INPP5F: variants seen among roughly 807,000 people sequenced by gnomAD.
The protein encoded by INPP5F is phosphatidylinositide 4-phosphatase SAC2.
A neutral mutation model predicts 137.2 loss-of-function variants in INPP5F; 97 were observed. The observed-to-expected ratio is 0.71, with a 90% CI of 0.60 to 0.84. INPP5F has a LOEUF of 0.84. Among genes scored for constraint, INPP5F ranks in the 40% least tolerant of loss-of-function variants. INPP5F has a pLI of 0.00. For synonymous variants in INPP5F, 504 were observed against 476.9 expected (o/e 1.06, Z -0.74); for missense variants, 1,271 against 1,371.9 (o/e 0.93, Z 1.16).
At chr10:119,826,163 T>C (rs1277234346) in intron 19 of INPP5F, 4 of 396,380 alleles carry the variant, frequency 1.0e-5, no homozygotes, top group Admixed American at 4.4e-5. Context: ...TCTTTGCTGA[T>C]TGTACAGATG....
rs1848229387 is a variant in INPP5F, at chr10:119,736,885, TG to T, written c.97+10527del. 2.0e-5 allele frequency among the ~76,000 whole-genome samples: 3 copies of T among 152,242 alleles called. No homozygotes were observed. In the South Asian group the frequency reaches 6.2e-4, roughly 31 times the overall value. On this transcript the variant is annotated intron_variant, in intron 1 of 19. Transcript: ENST00000650623. ...TCTTGCTCTGCCACCCAGGCTGGAA[TG>T]TGGGATAGCTCACTGCAGCCTCGAA...
Position 119,823,123 on chromosome 10 carries a change from C to CT in INPP5F, c.2086dup (p.Tyr696LeufsTer19). ...CAAAGTTCTCCTGCATGCGACTGCACTACAGATACAAAGAAGCGAGTGGCT... is the reference window on the plus strand; with the variant it reads ...CAAAGTTCTCCTGCATGCGACTGCACTTACAGATACAAAGAAGCGAGTGGCT... On this transcript the variant is annotated frameshift_variant, in exon 18 of 20. Transcript: ENST00000650623. LOFTEE classifies it high-confidence loss of function. The CT allele has an allele frequency of 6.2e-7, 1 of 1,614,072 alleles. No individual in the cohort carries two copies. The highest frequency in any genetic ancestry group is 8.5e-7 in the Non-Finnish European group (1 of 1,179,970).
intron 1 of INPP5F, among the ~76,000 whole-genome samples, chr10:119,734,377 C>A (rs1848165701): frequency 1.3e-5 from 2 of 152,222 alleles, no homozygotes; most frequent in African/African-American, 2.4e-5. Flanking sequence ...ATTATGAATG[C>A]ATTATCCAAG....
chr10:119,730,634 T>C lies in INPP5F; in HGVS notation c.97+4275T>C, dbSNP rs957966460. Among the ~76,000 whole-genome samples the C allele has an allele frequency of 7.9e-5, 12 of 152,346 alleles. 1 individual carries two copies. The highest frequency in any genetic ancestry group is 4.6e-4 in the Admixed American group (7 of 15,304). ...CTTTGTCTGATATGACAGTATTATA[T>C]AATTTATAGCTGTGTGTAAATTATA... is the stretch of plus-strand genomic sequence containing the variant. On this transcript the variant is annotated intron_variant, in intron 1 of 19. Transcript: ENST00000650623.
chr10:119,737,094 G>C (rs1848237064), intron 1 of INPP5F, among the ~76,000 whole-genome samples: 1 of 151,996 alleles, frequency 6.6e-6, no homozygotes, highest in Admixed American at 6.6e-5. Context: ...CCCCCAAAGT[G>C]CTGGGATTAC....
intron 2 of INPP5F, among the ~76,000 whole-genome samples, chr10:119,772,848 C>G (rs1439099230): frequency 6.6e-6 from 1 of 151,800 alleles, no homozygotes; most frequent in Non-Finnish European, 1.5e-5. Flanking sequence ...GGTCCCGGTT[C>G]AAGCAATTCT....
At chr10:119,742,757 C>T (rs953938058) in intron 1 of INPP5F, among the ~76,000 whole-genome samples, 8 of 152,074 alleles carry the variant, frequency 5.3e-5, no homozygotes, top group East Asian at 1.9e-4. Context: ...CTTTGGGAGG[C>T]TGAGGTGGGT....
In INPP5F at chr10:119,781,676, G is replaced by A; in HGVS notation, c.220G>A (p.Val74Met). ...TATTCTAATTCGGCAGAAAGCATTGGTGGGCAAACTCCCAGGAGACCATGA... is the reference window on the plus strand; with the variant it reads ...TATTCTAATTCGGCAGAAAGCATTGATGGGCAAACTCCCAGGAGACCATGA... The part of the protein sequence containing the change: ...WLILIRQKAL[V>M]GKLPGDHEVC... Residue 74 changes from valine (V) to methionine (M), a missense_variant, in exon 3 of 20, where the codon GTG becomes ATG. This residue lies in a region of INPP5F where 109 missense variants were observed against 105.1 expected (regional missense o/e 1.04). Coordinates refer to ENST00000650623, the MANE Select transcript of INPP5F (RefSeq NM_014937.4). The A allele has an allele frequency of 4.3e-6, 7 of 1,612,602 alleles. No homozygotes were observed. The highest frequency in any genetic ancestry group is 1.1e-5 in the South Asian group (1 of 90,788).
At chr10:119,755,107 A>G (rs977800961) in intron 2 of INPP5F, among the ~76,000 whole-genome samples, 6 of 152,202 alleles carry the variant, frequency 3.9e-5, no homozygotes, top group African/African-American at 1.2e-4. Context: ...TGGGTGAGCA[A>G]TGCCGCTGTT....
chr10:119,729,293 G>A (rs1243141129), intron 1 of INPP5F, among the ~76,000 whole-genome samples: 3 of 152,104 alleles, frequency 2.0e-5, no homozygotes, highest in East Asian at 3.9e-4. Flanking sequence ...CTACAGGTGT[G>A]TGCCACCTCA....
chr10:119,794,132 G>A (rs1003717112), intron 6 of INPP5F, among the ~76,000 whole-genome samples: 2 of 152,012 alleles, frequency 1.3e-5, no homozygotes, highest in Non-Finnish European at 2.9e-5. Flanking sequence ...AGTGAACAAA[G>A]GTCTCTGGTT....
intron 3 of INPP5F, among the ~76,000 whole-genome samples, chr10:119,790,996 T>G (rs1850123156): frequency 6.6e-6 from 1 of 152,188 alleles, no homozygotes; most frequent in African/African-American, 2.4e-5. Context: ...CTGATTTCAT[T>G]AGTGCATGTG....
chr10:119,825,429 T>C (rs1851719374), intron 19 of INPP5F, among the ~76,000 whole-genome samples: 1 of 152,152 alleles, frequency 6.6e-6, no homozygotes, highest in South Asian at 2.1e-4. Context: ...CCTCTAGGTG[T>C]GTTTAAAAGT....
chr10:119,800,703 A>G (rs1280319254), intron 9 of INPP5F, among the ~76,000 whole-genome samples: 2 of 152,146 alleles, frequency 1.3e-5, no homozygotes, highest in East Asian at 3.8e-4. Context: ...GGAAATGCAA[A>G]TTAAAGCCGC....
chr10:119,726,117 G>C lies in INPP5F; in HGVS notation c.-146G>C, dbSNP rs981708811. 1 of 415,306 alleles carries C rather than the reference G, an allele frequency of 2.4e-6. No homozygotes were observed. The highest frequency in any genetic ancestry group is 4.1e-6 in the Non-Finnish European group (1 of 244,732). 25.7% of individuals were successfully genotyped at this position (415,306 alleles called of 1,614,324 possible). ...CGCGTTCTCCTCCTACCGGTCGGGT[G>C]CCCCGGGGCGTTCCCTCTGCCGCTG... is the stretch of plus-strand genomic sequence containing the variant. On this transcript the variant is annotated 5_prime_UTR_variant, in exon 1 of 20. Transcript: ENST00000650623.
chr10:119,748,008 C>T lies in INPP5F; in HGVS notation c.98-3068C>T, dbSNP rs2134119764. Among the ~76,000 whole-genome samples the T allele has an allele frequency of 6.6e-6, 1 of 152,342 alleles. No individual in the cohort carries two copies. Among genetic ancestry groups the T allele is most frequent in the East Asian group, 1.9e-4 (1 of 5,188 alleles). Reference sequence around the variant, plus strand: ...ATTTTGCCTGAGTTTTCCTCGGGTCCACTGGGCTTTTTCCACTGTCTTGGC... The same window carrying T: ...ATTTTGCCTGAGTTTTCCTCGGGTCTACTGGGCTTTTTCCACTGTCTTGGC... On this transcript the variant is annotated intron_variant, in intron 1 of 19. Coordinates refer to ENST00000650623, the MANE Select transcript of INPP5F (RefSeq NM_014937.4). This position sits in a 1 kb window ranked among gnomAD's most constrained non-coding sequence, Gnocchi z 4.7.
chr10:119,821,292 C>A (rs1564854340), intron 16 of INPP5F, among the ~76,000 whole-genome samples: 1 of 152,060 alleles, frequency 6.6e-6, no homozygotes, highest in South Asian at 2.1e-4. Flanking sequence ...AAATTACTTA[C>A]AATTTTTTGT....
intron 12 of INPP5F, 135 bp from the exon 13 acceptor site, chr10:119,807,797 G>T: frequency 1.4e-6 from 1 of 721,740 alleles, no homozygotes; most frequent in Non-Finnish European, 2.2e-6. Context: ...TATTAAAAAT[G>T]AGTCTGAAAA....
At chr10:119,811,040 T>C (rs1422239210) in intron 14 of INPP5F, among the ~76,000 whole-genome samples, 1 of 152,204 alleles carries the variant, frequency 6.6e-6, no homozygotes, top group Non-Finnish European at 1.5e-5. Flanking sequence ...ATTTTAGCAG[T>C]TGATATTCAA....
Sources: allele counts gnomAD v4.1 joint callset (sites outside exome capture counted in the v4.1 genomes callset), GRCh38; gene constraint gnomAD v4.1.1; regional missense constraint gnomAD v4.1.1; non-coding constraint Gnocchi (gnomAD v3.1); transcripts MANE v1.5; gene names NCBI Gene and HGNC (gene_info 2026-07-23, HGNC 2026-07-21).